CNBD1: variants seen among roughly 807,000 people sequenced by gnomAD.
CNBD1 encodes cyclic nucleotide-binding domain-containing protein 1.
Under a neutral mutation model 54.4 loss-of-function variants are expected in CNBD1, and 71 were observed. The ratio of observed to expected loss-of-function variants is 1.30; its 90% CI spans 1.08 to 1.59. The LOEUF is 1.59. CNBD1 is among the 40% of genes most tolerant of loss of function. The pLI is 0.00. For missense variants in CNBD1, 659 were observed against 518.0 expected (o/e 1.27, Z -2.64); for synonymous variants, 182 against 170.7 (o/e 1.07, Z -0.51).
At chr8:86,895,148 G>T (rs1295365094) in intron 2 of CNBD1, among the ~76,000 whole-genome samples, 1 of 152,052 alleles carries the variant, frequency 6.6e-6, no homozygotes, top group Non-Finnish European at 1.5e-5. Flanking sequence ...TGGCACTGGG[G>T]ATTAAGTTTC....
intron 4 of CNBD1, among the ~76,000 whole-genome samples, chr8:86,970,535 G>C (rs1808196093): frequency 6.6e-6 from 1 of 151,988 alleles, no homozygotes; most frequent in Non-Finnish European, 1.5e-5. Context: ...TGAAGTTTCA[G>C]GTATGAATGA....
rs949137471 is a variant in CNBD1 at position 87,327,939 on chromosome 8, A to AT, written c.1043-23736dup. Among the ~76,000 whole-genome samples, 156 of 148,218 alleles carry AT rather than the reference A, an allele frequency of 1.1e-3. 1 individual carries two copies. In the East Asian group the frequency reaches 0.014, roughly 13 times the overall value. On this transcript the variant is annotated intron_variant, in intron 8 of 10. Transcript: ENST00000518476. ...ATTGTGTAAGGTAAGAGTCTGTGTG[A>AT]TTTTTTTTTTGCATGTTGATATCCA...
intron 4 of CNBD1, among the ~76,000 whole-genome samples, chr8:87,180,608 T>C (rs1417552985): frequency 6.6e-6 from 1 of 152,158 alleles, no homozygotes; most frequent in Non-Finnish European, 1.5e-5. Context: ...TTAAAGAATA[T>C]ATAATTTAAA....
At chr8:87,342,149 T>C (rs907586671) in intron 8 of CNBD1, among the ~76,000 whole-genome samples, 1 of 152,120 alleles carries the variant, frequency 6.6e-6, no homozygotes, top group Non-Finnish European at 1.5e-5. Context: ...GGCAGGCATC[T>C]GTAGTCCCAG....
chr8:87,390,353 A>G (rs1474919436), intron 2 of CNBD1, among the ~76,000 whole-genome samples: 3 of 152,198 alleles, frequency 2.0e-5, no homozygotes, highest in Non-Finnish European at 4.4e-5. Flanking sequence ...TACTCATCTG[A>G]CAAAGGGCTA....
rs1001325100 is a variant in CNBD1, at chr8:86,936,039, G to T, written c.273-3557G>T. 5.9e-5 allele frequency among the ~76,000 whole-genome samples: 9 copies of T among 152,138 alleles called. No homozygotes were observed. The South Asian group carries it at 8.3e-4, about 14-fold the overall frequency. On this transcript the variant is annotated intron_variant, in intron 3 of 10. Coordinates refer to ENST00000518476, the MANE Select transcript of CNBD1 (RefSeq NM_173538.3). ...CCTGTAGTACCAGCTACTTGGGAGG[G>T]TGAGGTGGGAGGATTGCATGAGCTG...
At chr8:87,081,396 T>G (rs1199884294) in intron 4 of CNBD1, among the ~76,000 whole-genome samples, 1 of 152,206 alleles carries the variant, frequency 6.6e-6, no homozygotes, top group Non-Finnish European at 1.5e-5. Context: ...GAATTTTGTT[T>G]AGGCTTGTTT....
At chr8:87,176,778 C>A (rs961366858) in intron 4 of CNBD1, among the ~76,000 whole-genome samples, 2 of 151,922 alleles carry the variant, frequency 1.3e-5, no homozygotes, top group South Asian at 4.2e-4. Context: ...CGTGAGCCAC[C>A]GTGCCTGGCT....
chr8:87,236,699 T>G (rs566297763), intron 5 of CNBD1, among the ~76,000 whole-genome samples: 114 of 152,240 alleles, frequency 7.5e-4, no homozygotes, highest in African/African-American at 2.6e-3. Context: ...CTACTATATG[T>G]AATTGTCTGA....
chr8:87,279,553 C>T (rs1232780509), intron 6 of CNBD1, among the ~76,000 whole-genome samples: 9 of 151,158 alleles, frequency 6.0e-5, no homozygotes, highest in South Asian at 2.1e-4. Flanking sequence ...TTATACTAAC[C>T]AGAAGGCCAA....
At chr8:87,018,002 G>A (rs1275847110) in intron 4 of CNBD1, among the ~76,000 whole-genome samples, 2 of 152,230 alleles carry the variant, frequency 1.3e-5, no homozygotes, top group Admixed American at 6.5e-5. Flanking sequence ...CCAGCACTTT[G>A]GGAGGCTGAG....
At chr8:87,256,010 TATATA>T (rs1317633078) in intron 6 of CNBD1, among the ~76,000 whole-genome samples, 11 of 20,818 alleles carry the variant, frequency 5.3e-4, no homozygotes, top group African/African-American at 1.8e-3. Context: ...TATATATATA[TATATA>T]TTTTTTTTTT....
intron 2 of CNBD1, among the ~76,000 whole-genome samples, chr8:87,396,502 C>G (rs1393229859): frequency 6.6e-6 from 1 of 151,742 alleles, no homozygotes; most frequent in Non-Finnish European, 1.5e-5. Flanking sequence ...GGTAAGTCTT[C>G]CGTGGCACAG....
chr8:87,095,940 G>T (rs1446814938), intron 4 of CNBD1, among the ~76,000 whole-genome samples: 1 of 152,222 alleles, frequency 6.6e-6, no homozygotes, highest in Middle Eastern at 3.2e-3. Context: ...TTACAGGCAT[G>T]AGCCACAACG....
intron 6 of CNBD1, among the ~76,000 whole-genome samples, chr8:87,242,332 C>T (rs1807724711): frequency 6.6e-6 from 1 of 152,116 alleles, no homozygotes; most frequent in Non-Finnish European, 1.5e-5. Context: ...AAGAATCTGG[C>T]ACCTTTTTAA....
At chr8:87,237,469 T>C (rs1309770317) in intron 6 of CNBD1, among the ~76,000 whole-genome samples, 1 of 152,110 alleles carries the variant, frequency 6.6e-6, no homozygotes, top group East Asian at 1.9e-4. Flanking sequence ...GAAAGACCTT[T>C]AAATCAAGTC....
chr8:87,312,201 A>C (rs1809282260), intron 8 of CNBD1, among the ~76,000 whole-genome samples: 1 of 152,106 alleles, frequency 6.6e-6, no homozygotes, highest in African/African-American at 2.4e-5. Flanking sequence ...CCTCCCCCCA[A>C]AAATAAAACT....
intron 4 of CNBD1, among the ~76,000 whole-genome samples, chr8:87,153,984 G>A (rs1011390342): frequency 6.6e-6 from 1 of 152,214 alleles, no homozygotes; most frequent in Non-Finnish European, 1.5e-5. Flanking sequence ...AGGAAGTTCA[G>A]GATGGCTAGA....
intron 4 of CNBD1, among the ~76,000 whole-genome samples, chr8:87,088,031 C>T (rs1332230573): frequency 6.6e-6 from 1 of 152,142 alleles, no homozygotes; most frequent in Non-Finnish European, 1.5e-5. Flanking sequence ...AGTCATTTGT[C>T]ACCATAGAAT....
Sources: allele counts gnomAD v4.1 joint callset (sites outside exome capture counted in the v4.1 genomes callset), GRCh38; gene constraint gnomAD v4.1.1; transcripts MANE v1.5; gene names NCBI Gene and HGNC (gene_info 2026-07-23, HGNC 2026-07-21).